POLR3B: variants seen among roughly 807,000 people sequenced by gnomAD.
POLR3B encodes the protein DNA-directed RNA polymerase III subunit RPC2.
In POLR3B, 96 loss-of-function variants were observed where a neutral mutation model predicts 147.4. The ratio of observed to expected loss-of-function variants is 0.65; its 90% CI spans 0.55 to 0.77. POLR3B has a LOEUF of 0.77. Among genes scored for constraint, POLR3B ranks in the 30% least tolerant of loss-of-function variants. POLR3B has a pLI of 0.00. For synonymous variants in POLR3B, 461 were observed against 485.9 expected (o/e 0.95, Z 0.67); for missense variants, 1,036 against 1,413.5 (o/e 0.73, Z 4.28).
intron 18 of POLR3B, among the ~76,000 whole-genome samples, chr12:106,440,637 C>A (rs902907584): frequency 6.6e-6 from 1 of 152,136 alleles, no homozygotes; most frequent in African/African-American, 2.4e-5. Context: ...CCCTCCAGGT[C>A]TTCACTTAGG....
At chr12:106,366,457 A>G (rs1386969896) in intron 2 of POLR3B, 59 bp from the exon 3 acceptor site, 3 of 1,054,892 alleles carry the variant, frequency 2.8e-6, no homozygotes, top group Admixed American at 3.5e-5. Context: ...ATTTGAGCAT[A>G]TCATCAGTAC....
At chr12:106,437,244 G>C (rs1320141250) in intron 17 of POLR3B, 113 bp downstream of exon 17, 1 of 809,670 alleles carries the variant, frequency 1.2e-6, no homozygotes, top group East Asian at 2.7e-5. Flanking sequence ...TTACCAGCCT[G>C]TTAAAAACCT....
intron 13 of POLR3B, 89 bp from the exon 14 acceptor site, chr12:106,430,183 TC>T: frequency 1.1e-6 from 1 of 890,120 alleles, no homozygotes; most frequent in Admixed American, 1.7e-5. Flanking sequence ...AGCATGAAGC[TC>T]CTGTAATGAA....
Position 106,357,795 on chromosome 12 carries a change from C to G in POLR3B, c.-85C>G. The G allele has an allele frequency of 2.2e-6, 3 of 1,347,578 alleles. No individual in the cohort carries two copies. Among genetic ancestry groups the G allele is most frequent in the Non-Finnish European group, 3.1e-6 (3 of 958,708 alleles). The allele number at this position is 1,347,578 out of a possible 1,614,324, so 83.5% of individuals were successfully genotyped here. On this transcript the variant is annotated 5_prime_UTR_variant, in exon 1 of 28. Transcript: ENST00000228347. ...GGGGACAGTTTAGGCCTCCGCGCAC[C>G]GTTCGCCGGGAGTCTTGCAGTTTGC...
chr12:106,487,782 G>A (rs189171348), intron 23 of POLR3B, among the ~76,000 whole-genome samples: 5 of 152,340 alleles, frequency 3.3e-5, no homozygotes, highest in African/African-American at 1.2e-4. Flanking sequence ...AGAGGAAGCG[G>A]AACAGTGGTA....
chr12:106,438,062 C>T (rs2037601398), intron 18 of POLR3B, among the ~76,000 whole-genome samples: 1 of 152,102 alleles, frequency 6.6e-6, no homozygotes, highest in Non-Finnish European at 1.5e-5. Flanking sequence ...CTAACAGTCC[C>T]CCTGGTGTGT....
At chr12:106,498,124 C>T (rs1819078820) in intron 25 of POLR3B, among the ~76,000 whole-genome samples, 1 of 152,146 alleles carries the variant, frequency 6.6e-6, no homozygotes, top group African/African-American at 2.4e-5. Context: ...GGTGAGAAGG[C>T]CCTGTGAGGA....
chr12:106,393,663 G>C (rs982102084), intron 10 of POLR3B, among the ~76,000 whole-genome samples: 1 of 151,602 alleles, frequency 6.6e-6, no homozygotes, highest in African/African-American at 2.4e-5. Flanking sequence ...GAAAACCCAG[G>C]ATCAGTCCCT....
chr12:106,479,542 A>G (rs12424092), intron 23 of POLR3B, among the ~76,000 whole-genome samples: 95,787 of 151,202 alleles, frequency 0.63, 30,606 homozygotes, highest in East Asian at 0.77. Flanking sequence ...CACCATGCCT[A>G]GCTAATTTTT....
chr12:106,360,715 TAATC>T (rs953439435), intron 1 of POLR3B, among the ~76,000 whole-genome samples: 5 of 152,206 alleles, frequency 3.3e-5, no homozygotes, highest in African/African-American at 1.2e-4. Context: ...TGGAGCCAAT[TAATC>T]AGTTACTTGT....
intron 2 of POLR3B, 94 bp downstream of exon 2, chr12:106,363,996 C>T (rs958574829): frequency 1.1e-4 from 107 of 946,210 alleles, no homozygotes; most frequent in Admixed American, 3.3e-4. Flanking sequence ...TTGTCATCAA[C>T]ATTTTTTGAT....
intron 9 of POLR3B, among the ~76,000 whole-genome samples, chr12:106,383,748 G>C (rs2036796260): frequency 6.6e-6 from 1 of 152,156 alleles, no homozygotes; most frequent in Admixed American, 6.5e-5. Flanking sequence ...GGGAGGCTGA[G>C]GCAGGGATCA....
At chr12:106,441,352 G>A (rs1200518045) in intron 18 of POLR3B, among the ~76,000 whole-genome samples, 1 of 152,060 alleles carries the variant, frequency 6.6e-6, no homozygotes, top group Non-Finnish European at 1.5e-5. Flanking sequence ...AACCTAGATG[G>A]TGTCTGTCAC....
intron 12 of POLR3B, among the ~76,000 whole-genome samples, chr12:106,422,530 A>T (rs1449810116): frequency 3.3e-5 from 5 of 152,214 alleles, no homozygotes; most frequent in African/African-American, 1.2e-4. Context: ...TTGTGTGTTT[A>T]GTATTTGTTC....
At chr12:106,486,287 C>CAAAA (rs1195017160) in intron 23 of POLR3B, among the ~76,000 whole-genome samples, 5 of 28,260 alleles carry the variant, frequency 1.8e-4, no homozygotes, top group Admixed American at 5.8e-4. Flanking sequence ...GACTCCGTCT[C>CAAAA]AAAAAAAAAA....
intron 17 of POLR3B, 105 bp downstream of exon 17, chr12:106,437,236 A>G (rs540827209): frequency 1.3e-5 from 11 of 862,742 alleles, no homozygotes; most frequent in South Asian, 4.3e-5. Flanking sequence ...CCACCAAATT[A>G]CCAGCCTGTT....
chr12:106,434,008 C>G, intron 16 of POLR3B, 136 bp downstream of exon 16: 1 of 731,314 alleles, frequency 1.4e-6, no homozygotes, highest in Non-Finnish European at 2.3e-6. Context: ...CGTGAGCAAA[C>G]ACTTCATGAA....
chr12:106,421,734 C>T (rs2136948253), intron 12 of POLR3B, among the ~76,000 whole-genome samples: 1 of 152,120 alleles, frequency 6.6e-6, no homozygotes, highest in Non-Finnish European at 1.5e-5. Context: ...GAGTCTGGCT[C>T]TATCGCCCAG....
At chr12:106,507,588 A>T (rs1220691375) in intron 27 of POLR3B, 1 of 277,678 alleles carries the variant, frequency 3.6e-6, no homozygotes, top group Non-Finnish European at 7.1e-6. Flanking sequence ...GAATGCATTA[A>T]ATAGGTCTTT....
Sources: allele counts gnomAD v4.1 joint callset (sites outside exome capture counted in the v4.1 genomes callset), GRCh38; gene constraint gnomAD v4.1.1; transcripts MANE v1.5; gene names NCBI Gene and HGNC (gene_info 2026-07-23, HGNC 2026-07-21).